The following PTPRQ variants were observed in gnomAD, a reference collection of about 807,000 sequenced individuals.
PTPRQ encodes the protein protein tyrosine phosphatase receptor type Q.
A neutral mutation model predicts 246.0 loss-of-function variants in PTPRQ; 199 were observed. The observed-to-expected ratio is 0.81, with a 90% confidence interval of 0.72 to 0.91. The LOEUF (loss-of-function observed/expected upper bound fraction) is 0.91, where lower values mean the gene tolerates loss of function less well. Ranked by LOEUF, PTPRQ falls within the 40% of genes least tolerant of loss-of-function variation. The probability of loss-of-function intolerance (pLI) is 0.00; values close to 1 mark genes in which losing one functional copy is unlikely to be tolerated. For synonymous variants in PTPRQ, 869 were observed against 853.2 expected (o/e 1.02, Z -0.32); for missense variants, 2,624 against 2,528.4 (o/e 1.04, Z -0.81).
chr12:80,483,618 G>A (rs1479928685), intron 8 of PTPRQ, among the ~76,000 whole-genome samples: 1 of 152,024 alleles, frequency 6.6e-6, no homozygotes, highest in Non-Finnish European at 1.5e-5. Context: ...CAGTTCTGGG[G>A]TACATGTGCA....
intron 33 of PTPRQ, among the ~76,000 whole-genome samples, chr12:80,629,986 A>G (rs1899362027): frequency 1.3e-5 from 2 of 152,212 alleles, no homozygotes; most frequent in South Asian, 2.1e-4. Flanking sequence ...AGTAAGTCAC[A>G]TAACGCATAT....
intron 19 of PTPRQ, among the ~76,000 whole-genome samples, chr12:80,538,522 G>A: frequency 6.6e-6 from 1 of 152,190 alleles, no homozygotes; most frequent in Non-Finnish European, 1.5e-5. Flanking sequence ...TGTATTGGAA[G>A]GTATTAAAGT....
At chr12:80,459,645 G>A (rs185051618) in intron 5 of PTPRQ, among the ~76,000 whole-genome samples, 162 bp downstream of exon 5, 52 of 152,168 alleles carry the variant, frequency 3.4e-4, no homozygotes, top group African/African-American at 1.2e-3. Context: ...GATTACTTAG[G>A]GTATCATGTA....
chr12:80,459,068 A>C (rs1483079885), intron 4 of PTPRQ, among the ~76,000 whole-genome samples: 1 of 152,014 alleles, frequency 6.6e-6, no homozygotes, highest in East Asian at 1.9e-4. Flanking sequence ...TCATCAATGC[A>C]TGTATTAGCC....
At chr12:80,464,166 G>A (rs1427322040) in intron 6 of PTPRQ, among the ~76,000 whole-genome samples, 2 of 150,130 alleles carry the variant, frequency 1.3e-5, no homozygotes, top group Non-Finnish European at 3.0e-5. Flanking sequence ...ATAAAAGGAT[G>A]GAGGAAGATC....
Position 80,635,024 on chromosome 12 carries a change from C to G in PTPRQ, c.5866C>G (p.Gln1956Glu). The change falls in exon 35 of 45, where the codon CAG becomes GAG. Residue 1956 changes from glutamine (Q) to glutamate (E), a missense_variant. Transcript: ENST00000644991. ...EIIDTKLKLD[Q>E]LITVADLELK... is the part of the protein sequence containing the mutation. ...TATTGACACTAAATTGAAGCTGGAT[C>G]AGCTCATCACAGTGGCAGACCTGGA... The G allele has an allele frequency of 6.4e-7, 1 of 1,551,380 alleles. No individual in the cohort carries two copies. Among genetic ancestry groups the G allele is most frequent in the Non-Finnish European group, 8.7e-7 (1 of 1,146,808 alleles).
rs564292431 is a variant in PTPRQ, at chr12:80,577,183, C to A, written c.4286-10946C>A. On this transcript the variant is annotated intron_variant, in intron 25 of 44. Coordinates refer to ENST00000644991, the MANE Select transcript of PTPRQ (RefSeq NM_001145026.2). ...TTTTGCCTTTGTATTAGTCTGTTCTCACACTGCTATGAAGAAATAGCTAAG... is the reference window on the plus strand; with the variant it reads ...TTTTGCCTTTGTATTAGTCTGTTCTAACACTGCTATGAAGAAATAGCTAAG... Among the ~76,000 whole-genome samples the A allele has an allele frequency of 1.1e-4, 16 of 152,304 alleles. 2 individuals are homozygous for A. Among genetic ancestry groups the A allele is most frequent in the African/African-American group, 3.8e-4 (16 of 41,562 alleles).
intron 33 of PTPRQ, among the ~76,000 whole-genome samples, chr12:80,629,270 G>T (rs1899329902): frequency 6.6e-6 from 1 of 152,018 alleles, no homozygotes; most frequent in Non-Finnish European, 1.5e-5. Flanking sequence ...TCACCCTATG[G>T]CCTCATTTAA....
At chr12:80,554,950 C>T (rs1276535606) in intron 25 of PTPRQ, among the ~76,000 whole-genome samples, 1 of 151,998 alleles carries the variant, frequency 6.6e-6, no homozygotes, top group Non-Finnish European at 1.5e-5. Flanking sequence ...GTCTCATTCT[C>T]TTGCCCAGGC....
In PTPRQ at chr12:80,532,040, C is replaced by CT. The variant is rs34551502; in HGVS notation, c.2679-1966dup. On this transcript the variant is annotated intron_variant, in intron 17 of 44. Transcript: ENST00000644991. ...ATTATCTATGGAACATAATCTGAGG[C>CT]TTTTTTTTTACAGTTGGTAGATACT... 1.4e-3 allele frequency among the ~76,000 whole-genome samples: 208 copies of CT among 150,314 alleles called. 1 individual carries two copies. Among genetic ancestry groups the CT allele is most frequent in the African/African-American group, 4.7e-3 (194 of 41,010 alleles).
At chr12:80,663,561 A>G (rs1339412555) in intron 39 of PTPRQ, among the ~76,000 whole-genome samples, 1 of 151,920 alleles carries the variant, frequency 6.6e-6, no homozygotes, top group Non-Finnish European at 1.5e-5. Context: ...GTTAATTACC[A>G]TCCCCTAAGT....
chr12:80,450,989 C>T (rs993304641), intron 3 of PTPRQ, among the ~76,000 whole-genome samples: 11 of 152,212 alleles, frequency 7.2e-5, no homozygotes, highest in African/African-American at 2.7e-4. Flanking sequence ...TAGAATTCGG[C>T]TGTGAATCCG....
chr12:80,542,409 C>T (rs768879825), intron 22 of PTPRQ, 45 bp downstream of exon 22: 196 of 1,506,352 alleles, frequency 1.3e-4, no homozygotes, highest in Non-Finnish European at 1.6e-4. Context: ...ACTGTTGCAG[C>T]GCCTGCTCTC....
At chr12:80,460,022 T>C (rs943162790) in intron 5 of PTPRQ, among the ~76,000 whole-genome samples, 3 of 152,224 alleles carry the variant, frequency 2.0e-5, no homozygotes, top group African/African-American at 4.8e-5. Context: ...AACCTCATAA[T>C]AGTAATGCTT....
chr12:80,605,189 T>A lies in PTPRQ; in HGVS notation c.4731+9T>A. The stretch of plus-strand genomic sequence containing the variant: ...TGATTGATGTCAAATCGGTAAGGCA[T>A]GTCTTACCTTCTGTAAAAGCCAGTA... On this transcript the variant is annotated intron_variant, in intron 27 of 44. Coordinates refer to ENST00000644991, the MANE Select transcript of PTPRQ (RefSeq NM_001145026.2). The A allele has an allele frequency of 2.6e-6, 4 of 1,539,502 alleles. No individual in the cohort carries two copies. The highest frequency in any genetic ancestry group is 3.5e-6 in the Non-Finnish European group (4 of 1,140,668).
chr12:80,477,800 C>A (rs1437731514), intron 8 of PTPRQ, among the ~76,000 whole-genome samples: 1 of 152,182 alleles, frequency 6.6e-6, no homozygotes, highest in Non-Finnish European at 1.5e-5. Flanking sequence ...TCACTCCGAC[C>A]CGAATACTGC....
rs530317198 is a variant in PTPRQ, at chr12:80,560,824, G to A, written c.4285+11090G>A. 7.2e-5 allele frequency among the ~76,000 whole-genome samples: 11 copies of A among 152,258 alleles called. No homozygotes were observed. The South Asian group carries it at 2.3e-3, about 32-fold the overall frequency. On this transcript the variant is annotated intron_variant, in intron 25 of 44. Coordinates refer to ENST00000644991, the MANE Select transcript of PTPRQ (RefSeq NM_001145026.2). ...ACCCTGTTTATTGCATAAGATAAAA[G>A]AAAAATATGTTGTGATAACCAAAAA...
At chr12:80,671,394 AT>A (rs1356206628) in intron 42 of PTPRQ, among the ~76,000 whole-genome samples, 1 of 152,112 alleles carries the variant, frequency 6.6e-6, no homozygotes, top group Non-Finnish European at 1.5e-5. Flanking sequence ...ATCACTGATG[AT>A]TAAAACCTTT....
At chr12:80,484,283 A>G in intron 8 of PTPRQ, 150 bp from the exon 9 acceptor site, 4 of 980,692 alleles carry the variant, frequency 4.1e-6, no homozygotes, top group Non-Finnish European at 5.8e-6. Context: ...CTGGGATTAC[A>G]GCCATGAGCC....
Sources: allele counts gnomAD v4.1 joint callset (sites outside exome capture counted in the v4.1 genomes callset), GRCh38; gene constraint gnomAD v4.1.1; transcripts MANE v1.5; gene names NCBI Gene and HGNC (gene_info 2026-07-23, HGNC 2026-07-21).